RBMS3: variants seen among roughly 807,000 people sequenced by gnomAD.
RBMS3 encodes the protein RNA binding motif single stranded interacting protein 3, also known as RNA-binding motif, single-stranded-interacting protein 3.
In RBMS3, 27 loss-of-function variants were observed where a neutral mutation model predicts 66.8. The ratio of observed to expected loss-of-function variants is 0.40; its 90% CI spans 0.30 to 0.56. RBMS3 has a LOEUF of 0.56. Ranked by LOEUF, RBMS3 falls within the 20% of genes least tolerant of loss-of-function variation. RBMS3 has a pLI of 0.40. For missense variants in RBMS3, 513 were observed against 549.5 expected, an observed-to-expected ratio of 0.93 and a Z score of 0.66; for synonymous variants, 188 against 183.0, an observed-to-expected ratio of 1.03 and a Z score of -0.22.
intron 1 of RBMS3, among the ~76,000 whole-genome samples, chr3:29,393,430 G>GCA (rs149288846): frequency 2.0e-5 from 3 of 151,974 alleles, no homozygotes; most frequent in Non-Finnish European, 2.9e-5. Context: ...CAAATTGTAT[G>GCA]CACACACACA....
At chr3:29,445,351 G>A (rs1350087064) in intron 2 of RBMS3, among the ~76,000 whole-genome samples, 4 of 151,294 alleles carry the variant, frequency 2.6e-5, no homozygotes, top group East Asian at 1.9e-4. Flanking sequence ...AGGATAACTT[G>A]AATCAAAAGA....
chr3:29,538,779 G>C (rs1367251031), intron 3 of RBMS3, among the ~76,000 whole-genome samples: 1 of 152,178 alleles, frequency 6.6e-6, no homozygotes, highest in African/African-American at 2.4e-5. Context: ...AGGCAGTATC[G>C]TGTCAAGCCA....
chr3:30,009,789 G>T lies in RBMS3; in HGVS notation c.*5927G>T, dbSNP rs1699910394. ...ACATCAAATTTAAACAATGTCCAAA[G>T]TGTAACTTTAATGTTATATTTTGTT... On this transcript the variant is annotated 3_prime_UTR_variant, in exon 15 of 15. Coordinates refer to ENST00000383767, the MANE Select transcript of RBMS3 (RefSeq NM_001003793.3). 1 of 152,132 alleles carries T rather than the reference G, an allele frequency of 6.6e-6. No individual in the cohort carries two copies. The highest frequency in any genetic ancestry group is 2.1e-4 in the South Asian group (1 of 4,830). 9.4% of individuals were successfully genotyped at this position (152,132 alleles called of 1,614,324 possible). A position where few individuals can be genotyped will look rare whatever the true frequency, so the allele number is the denominator to read the frequency against.
chr3:29,285,334 G>T (rs979739734), intron 1 of RBMS3, among the ~76,000 whole-genome samples: 1 of 151,738 alleles, frequency 6.6e-6, no homozygotes, highest in Non-Finnish European at 1.5e-5. Flanking sequence ...AAGAAAACCT[G>T]GTTACAGCCC....
intron 1 of RBMS3, among the ~76,000 whole-genome samples, chr3:29,388,088 C>G (rs1575680623): frequency 1.5e-5 from 1 of 66,600 alleles, no homozygotes; most frequent in Non-Finnish European, 3.2e-5. Context: ...CACACAGACA[C>G]ACACACACAC....
intron 8 of RBMS3, among the ~76,000 whole-genome samples, chr3:29,890,120 T>C (rs993762930): frequency 4.0e-5 from 6 of 151,742 alleles, no homozygotes; most frequent in South Asian, 4.1e-4. Flanking sequence ...GATACTTCTT[T>C]ATAGAAATTA....
Position 29,532,246 on chromosome 3 carries a change from G to GTATATATATATATATA in RBMS3, c.307+43762_307+43763insATATATATATATATAT, listed in dbSNP as rs1166106438. Among the ~76,000 whole-genome samples the GTATATATATATATATA allele has an allele frequency of 7.9e-5, 7 of 88,982 alleles. No individual in the cohort carries two copies. In the East Asian group the frequency reaches 1.1e-3, roughly 14 times the overall value. The allele number at this position is 88,982 out of a possible 152,430, so 58.4% of individuals were successfully genotyped here. On this transcript the variant is annotated intron_variant, in intron 3 of 14. Transcript: ENST00000383767. ...TCTTATTTTAATTTCGCATATATATGTATATATATATATATGTATATATAT... is the reference window on the plus strand; with the variant it reads ...TCTTATTTTAATTTCGCATATATATGTATATATATATATATATATATATATATATATGTATATATAT...
chr3:29,315,103 A>C (rs1228629533), intron 1 of RBMS3, among the ~76,000 whole-genome samples: 1 of 151,822 alleles, frequency 6.6e-6, no homozygotes, highest in African/African-American at 2.4e-5. Context: ...CAGATAAATT[A>C]GACACTATTG....
chr3:29,355,565 A>G (rs1254191294), intron 1 of RBMS3, among the ~76,000 whole-genome samples: 1 of 152,158 alleles, frequency 6.6e-6, no homozygotes, highest in South Asian at 2.1e-4. Flanking sequence ...CAAGAAAAAA[A>G]AAAGGAAAAA....
intron 5 of RBMS3, among the ~76,000 whole-genome samples, chr3:29,759,545 T>C (rs1361294849): frequency 6.6e-6 from 1 of 152,126 alleles, no homozygotes; most frequent in Non-Finnish European, 1.5e-5. Flanking sequence ...CTGTGTCTGG[T>C]GTGCTGTCTT....
At chr3:29,599,385 C>A (rs1160418328) in intron 4 of RBMS3, among the ~76,000 whole-genome samples, 1 of 149,804 alleles carries the variant, frequency 6.7e-6, no homozygotes, top group Non-Finnish European at 1.5e-5. Flanking sequence ...CTACTATGCA[C>A]CCACATAAAC....
chr3:29,921,306 T>G (rs1221735666), intron 10 of RBMS3, among the ~76,000 whole-genome samples: 1 of 151,850 alleles, frequency 6.6e-6, no homozygotes, highest in African/African-American at 2.4e-5. Context: ...TCAAGTGATC[T>G]GCCTGCCTCA....
At chr3:29,395,113 T>G (rs993228425) in intron 1 of RBMS3, among the ~76,000 whole-genome samples, 2 of 152,144 alleles carry the variant, frequency 1.3e-5, no homozygotes, top group Admixed American at 6.5e-5. Context: ...TAATTCATGA[T>G]CTGTTCAAAT....
At chr3:29,867,347 A>G (rs1000762599) in intron 6 of RBMS3, among the ~76,000 whole-genome samples, 4 of 151,476 alleles carry the variant, frequency 2.6e-5, no homozygotes, top group African/African-American at 9.7e-5. Context: ...GAAACAATAA[A>G]GATTTCTTTA....
At chr3:29,992,814 T>G (rs1454312153) in intron 14 of RBMS3, among the ~76,000 whole-genome samples, 1 of 152,066 alleles carries the variant, frequency 6.6e-6, no homozygotes, top group African/African-American at 2.4e-5. Context: ...ATGAGAAAAT[T>G]GATCAGATAT....
intron 5 of RBMS3, among the ~76,000 whole-genome samples, chr3:29,760,269 AT>A (rs2055616375): frequency 7.7e-6 from 1 of 129,974 alleles, no homozygotes; most frequent in Admixed American, 7.6e-5. Flanking sequence ...ACACACACAC[AT>A]ACACACACAC....
chr3:29,969,814 G>A (rs1173287358), intron 12 of RBMS3, among the ~76,000 whole-genome samples: 1 of 152,118 alleles, frequency 6.6e-6, no homozygotes, highest in Non-Finnish European at 1.5e-5. Context: ...TGAATGCTGA[G>A]TTGTAAGAAA....
rs1468176566 is a variant in RBMS3 at position 29,897,568 on chromosome 3, A to C, written c.888+93A>C. ...AGGACACAGTAGAATGAAAAGAAAA[A>C]AATTCTCATACACTTTAATCACATC... On this transcript the variant is annotated intron_variant, in intron 9 of 14. Transcript: ENST00000383767. 3 of 1,131,082 alleles carry C rather than the reference A, an allele frequency of 2.7e-6. No individual in the cohort carries two copies. The Admixed American group carries it at 5.3e-5, about 20-fold the overall frequency. 70.1% of individuals were successfully genotyped at this position (1,131,082 alleles called of 1,614,324 possible).
At chr3:29,405,573 T>C (rs1325356555) in intron 1 of RBMS3, among the ~76,000 whole-genome samples, 1 of 152,140 alleles carries the variant, frequency 6.6e-6, no homozygotes, top group Non-Finnish European at 1.5e-5. Context: ...AATGTGGCTT[T>C]GGTAAGGTGG....
Sources: gnomAD v4.1 joint callset for allele counts (sites outside exome capture counted in the v4.1 genomes callset) on GRCh38, gnomAD v4.1.1 for gene constraint, MANE v1.5 for transcripts, NCBI Gene and HGNC (gene_info 2026-07-23, HGNC 2026-07-21) for gene names.